The following ZNF552 variants were observed in gnomAD, a reference collection of about 807,000 sequenced individuals.
ZNF552 encodes the protein zinc finger protein 552.
In ZNF552, 2 loss-of-function variants were observed where a neutral mutation model predicts 7.2. The ratio of observed to expected loss-of-function variants is 0.28; its 90% CI spans 0.11 to 0.88. The LOEUF (loss-of-function observed/expected upper bound fraction) is 0.88, where lower values mean the gene tolerates loss of function less well. Among genes scored for constraint, ZNF552 ranks in the 40% least tolerant of loss-of-function variants. ZNF552 has a pLI of 0.60. For synonymous variants in ZNF552, 173 were observed against 176.5 expected (o/e 0.98, Z 0.16); for missense variants, 421 against 493.4 (o/e 0.85, Z 1.39).
At position 57,808,471 on chromosome 19, in the gene ZNF552, C is replaced by G; in HGVS notation, c.793G>C (p.Glu265Gln). ...CATATCCCACACGTATAAGGTTTTT[C>G]TCTAGTGTGAACTCCTTGATGATTA... ...FSNHQGVHTREKPYTCGICGK... is the reference protein window; with the variant it reads ...FSNHQGVHTRQKPYTCGICGK... Residue 265 changes from glutamate to glutamine, a missense_variant, in exon 3 of 3, where the codon GAA (glutamate) becomes CAA (glutamine). Physicochemically the swap from Glu to Gln is conservative, Grantham distance 29. Coordinates refer to ENST00000391701, the MANE Select transcript of ZNF552 (RefSeq NM_024762.3). The G allele has an allele frequency of 6.2e-7, 1 of 1,613,862 alleles. No homozygotes were observed.
At chr19:57,811,921 T>C (rs1987865832) in intron 2 of ZNF552, among the ~76,000 whole-genome samples, 1 of 145,926 alleles carries the variant, frequency 6.9e-6, no homozygotes, top group South Asian at 2.2e-4. Flanking sequence ...CCCAGCTACT[T>C]GGGAGGCTGA....
chr19:57,811,258 C>T (rs201733734), intron 2 of ZNF552, among the ~76,000 whole-genome samples: 3 of 152,048 alleles, frequency 2.0e-5, no homozygotes, highest in East Asian at 3.9e-4. Context: ...CTGCAAGCTC[C>T]GCCTGCCGGG....
At position 57,808,389 on chromosome 19, in the gene ZNF552, C is replaced by A; in HGVS notation, c.875G>T (p.Gly292Val). The A allele has an allele frequency of 6.2e-7, 1 of 1,613,490 alleles. No individual in the cohort carries two copies. The highest frequency in any genetic ancestry group is 8.5e-7 in the Non-Finnish European group (1 of 1,179,660). ...AACCTCACACTCATATGGCTTCTCT[C>A]CAGTGTGAATTCTCTGGTGTACAAG... is the stretch of plus-strand genomic sequence containing the variant. ...HLLVHQRIHT[G>V]EKPYECEVCQ... The change falls in exon 3 of 3, where the codon GGA (glycine) becomes GTA (valine). Residue 292 changes from glycine (G) to valine (V), a missense_variant. Physicochemically the swap from Gly to Val is moderately radical, Grantham distance 109. Transcript: ENST00000391701.
intron 1 of ZNF552, 139 bp from the exon 2 acceptor site, chr19:57,813,559 G>A: frequency 7.3e-7 from 1 of 1,372,160 alleles, no homozygotes; most frequent in Non-Finnish European, 1.0e-6. Flanking sequence ...ACTGGTCATG[G>A]GGTACAGCCA....
intron 2 of ZNF552, among the ~76,000 whole-genome samples, chr19:57,810,561 A>G (rs1987834761): frequency 6.6e-6 from 1 of 152,184 alleles, no homozygotes; most frequent in African/African-American, 2.4e-5. Context: ...TCAAGGCAGC[A>G]TGCTTGTTAA....
At chr19:57,811,087 T>TCGGAGACTGGTGG (rs1987845954) in intron 2 of ZNF552, among the ~76,000 whole-genome samples, 1 of 152,038 alleles carries the variant, frequency 6.6e-6, no homozygotes, top group African/African-American at 2.4e-5. Context: ...CTGAAGGAAC[T>TCGGAGACTGGTGG]CGGAGACTGG....
rs144508030 is a variant in ZNF552, at chr19:57,808,695, G to C, written c.569C>G (p.Thr190Ser). Residue 190 changes from threonine (T) to serine (S), a missense_variant, in exon 3 of 3, where the codon ACT (threonine) becomes AGT (serine). Thr to Ser is a moderately conservative substitution (Grantham distance 58, BLOSUM62 1). Around this residue, in one of 2 missense-constraint regions of ZNF552, gnomAD observed 299 missense variants for 293.7 expected, o/e 1.02. Transcript: ENST00000391701. The part of the protein sequence containing the change: ...LRSGLLQQEA[T>S]HTGKSNSKTE... ...TTTGCTGTTTGACTTCCCAGTGTGA[G>C]TGGCCTCTTGCTGGAGTAATCCTGA... The C allele has an allele frequency of 6.3e-5, 101 of 1,614,184 alleles. No individual in the cohort carries two copies. The East Asian group carries it at 1.7e-3, about 27-fold the overall frequency.
rs1334515747 is a variant in ZNF552, at chr19:57,809,057, A to G, written c.207T>C (p.Ser69=). The change falls in exon 3 of 3, where the codon AGT becomes AGC. Residue 69 remains serine (S), a synonymous_variant. Coordinates refer to ENST00000391701, the MANE Select transcript of ZNF552 (RefSeq NM_024762.3). ...VEDEAAPSKQ[S]IYIQRETQVR... ...CCTGAGTCTCTCTTTGTATATAAAT[A>G]CTCTGCTTAGAAGGTGCCGCCTCAT... 15 of 1,539,164 alleles carry G rather than the reference A, an allele frequency of 9.7e-6. No individual in the cohort carries two copies. Among genetic ancestry groups the G allele is most frequent in the Non-Finnish European group, 1.3e-5 (15 of 1,143,288 alleles).
intron 2 of ZNF552, among the ~76,000 whole-genome samples, chr19:57,811,559 C>A (rs1600091458): frequency 6.6e-6 from 1 of 151,896 alleles, no homozygotes; most frequent in African/African-American, 2.4e-5. Context: ...GAGAGGCAGG[C>A]CACCCTTCAT....
chr19:57,813,573 A>C (rs886649932), intron 1 of ZNF552, among the ~76,000 whole-genome samples, 153 bp from the exon 2 acceptor site: 5 of 151,564 alleles, frequency 3.3e-5, no homozygotes, highest in Non-Finnish European at 5.9e-5. Context: ...ACAGCCACCA[A>C]CAACAATAGT....
chr19:57,810,308 A>C (rs556352152), intron 2 of ZNF552, among the ~76,000 whole-genome samples: 2 of 152,284 alleles, frequency 1.3e-5, no homozygotes, highest in East Asian at 3.9e-4. Flanking sequence ...TGTCTCTACT[A>C]AAAATACAAA....
intron 2 of ZNF552, among the ~76,000 whole-genome samples, chr19:57,810,052 A>T (rs78607697): frequency 0.052 from 7,943 of 152,194 alleles, 284 homozygotes; most frequent in Middle Eastern, 0.075. Context: ...GGCTGTGTGA[A>T]CTATATTCAC....
Position 57,807,945 on chromosome 19 carries a change from G to C in ZNF552, c.*95C>G. ...AACTCTCCAATATCCAAGGAGAGCA[G>C]ACCTTTGGGTAAACATTTTCCACAT... On this transcript the variant is annotated 3_prime_UTR_variant, in exon 3 of 3. Coordinates refer to ENST00000391701, the MANE Select transcript of ZNF552 (RefSeq NM_024762.3). 7.0e-7 allele frequency: 1 copy of C among 1,428,282 alleles called. No individual in the cohort carries two copies. The highest frequency in any genetic ancestry group is 9.5e-7 in the Non-Finnish European group (1 of 1,055,200). The allele number at this position is 1,428,282 out of a possible 1,614,324, so 88.5% of individuals were successfully genotyped here. A position where few individuals can be genotyped will look rare whatever the true frequency, so the allele number is the denominator to read the frequency against.
At chr19:57,809,236 T>G in intron 2 of ZNF552, 133 bp from the exon 3 acceptor site, 1 of 1,559,786 alleles carries the variant, frequency 6.4e-7, no homozygotes, top group South Asian at 1.2e-5. Context: ...TGGCTTCAGG[T>G]GGAAGATGGT....
intron 2 of ZNF552, among the ~76,000 whole-genome samples, chr19:57,811,001 CAT>C (rs1474366821): frequency 5.9e-5 from 9 of 152,140 alleles, no homozygotes; most frequent in East Asian, 3.9e-4. Context: ...CATTTGTTCA[CAT>C]GTTTTCCTGC....
chr19:57,813,900 C>T (rs1336463071), intron 1 of ZNF552, among the ~76,000 whole-genome samples: 2 of 151,964 alleles, frequency 1.3e-5, no homozygotes, highest in East Asian at 1.9e-4. Context: ...TGCGCCACCA[C>T]GCCTGGCTAA....
In ZNF552 at chr19:57,808,349, A is replaced by G; in HGVS notation, c.915T>C (p.Phe305=). 6.2e-7 allele frequency: 1 copy of G among 1,613,184 alleles called. No individual in the cohort carries two copies. Among genetic ancestry groups the G allele is most frequent in the Non-Finnish European group, 8.5e-7 (1 of 1,179,234 alleles). The change falls in exon 3 of 3, where the codon TTT becomes TTC. Residue 305 remains phenylalanine, a synonymous_variant. Coordinates refer to ENST00000391701, the MANE Select transcript of ZNF552 (RefSeq NM_024762.3). Reference sequence around the variant, plus strand: ...GTGCAATGAGGTGGTACTTGTGCCTAAAAAATTTCTGACAAACCTCACACT... The same window carrying G: ...GTGCAATGAGGTGGTACTTGTGCCTGAAAAATTTCTGACAAACCTCACACT... The part of the protein sequence containing the change: ...PYECEVCQKF[F]RHKYHLIAHQ...
intron 1 of ZNF552, 65 bp downstream of exon 1, chr19:57,814,646 C>A: frequency 1.2e-6 from 2 of 1,613,360 alleles, no homozygotes; most frequent in Non-Finnish European, 1.7e-6. Context: ...GGTGCCGCTC[C>A]CTCGCTGCTT....
In ZNF552 at chr19:57,808,454, A is replaced by C. The variant is rs776103527; in HGVS notation, c.810T>G (p.Cys270Trp). The C allele has an allele frequency of 6.2e-7, 1 of 1,613,874 alleles. No homozygotes were observed. Among genetic ancestry groups the C allele is most frequent in the Non-Finnish European group, 8.5e-7 (1 of 1,179,894 alleles). The change falls in exon 3 of 3, where the codon TGT becomes TGG. Residue 270 changes from cysteine (C) to tryptophan (W), a missense_variant. Transcript: ENST00000391701. ...GVHTREKPYTCGICGKLFNSK... is the reference protein window; with the variant it reads ...GVHTREKPYTWGICGKLFNSK... ...TGTTAAATAATTTCCCACATATCCC[A>C]CACGTATAAGGTTTTTCTCTAGTGT...
Sources: allele counts gnomAD v4.1 joint callset (sites outside exome capture counted in the v4.1 genomes callset), GRCh38; gene constraint gnomAD v4.1.1; regional missense constraint gnomAD v4.1.1; transcripts MANE v1.5; gene names NCBI Gene and HGNC (gene_info 2026-07-23, HGNC 2026-07-21).